RAD51AP2: variants seen among roughly 807,000 people sequenced by gnomAD.
RAD51AP2 encodes the protein RAD51 associated protein 2, also known as RAD51-associated protein 2.
RAD51AP2 carries 67 observed loss-of-function variants against 85.5 expected under a neutral mutation model. The ratio of observed to expected loss-of-function variants is 0.78; its 90% CI spans 0.64 to 0.96. The LOEUF (loss-of-function observed/expected upper bound fraction) is 0.96. RAD51AP2 is among the 40% of genes least tolerant of loss of function. RAD51AP2 has a pLI of 0.00. For synonymous variants in RAD51AP2, 474 were observed against 446.5 expected (o/e 1.06, Z -0.78); for missense variants, 1,307 against 1,332.4 (o/e 0.98, Z 0.30).
Position 17,517,460 on chromosome 2 carries a change from G to T in RAD51AP2, c.956C>A (p.Ala319Glu). 3 of 1,613,730 alleles carry T rather than the reference G, an allele frequency of 1.9e-6. No individual in the cohort carries two copies. The highest frequency in any genetic ancestry group is 2.5e-6 in the Non-Finnish European group (3 of 1,179,934). ...ATAACATTTGGAAAAAATGTTTTCC[G>T]CTTCTACAGTTTTTTTATCATTCTG... Reference protein sequence around the residue: ...KLQNDKKTVEAENIFSKCYEN... With the variant: ...KLQNDKKTVEEENIFSKCYEN... Residue 319 changes from alanine (A) to glutamate (E), a missense_variant, in exon 1 of 3, where the codon GCG becomes GAG. Ala to Glu is a moderately radical substitution (Grantham distance 107). This residue lies in a region of RAD51AP2 where 635 missense variants were observed against 643.6 expected (regional missense o/e 0.99). Coordinates refer to ENST00000399080, the MANE Select transcript of RAD51AP2 (RefSeq NM_001099218.3).
chr2:17,522,749 G>C (rs1662883693), upstream of RAD51AP2, among the ~76,000 whole-genome samples: 1 of 151,774 alleles, frequency 6.6e-6, no homozygotes, highest in Non-Finnish European at 1.5e-5. Flanking sequence ...GGTTTTGAGA[G>C]GACAAAATGT....
At position 17,513,237 on chromosome 2, in the gene RAD51AP2, CTTTTTTT is replaced by C. The variant is rs11394351; in HGVS notation, c.3328+768_3328+774del. Reference sequence around the variant, plus strand: ...TTGTTTAATTTTTCTTTAGTGTGTGCTTTTTTTTTTTTTTTTTTTTGACAGAATCTCA... The same window carrying C: ...TTGTTTAATTTTTCTTTAGTGTGTGCTTTTTTTTTTTTTGACAGAATCTCA... On this transcript the variant is annotated intron_variant, in intron 2 of 2. Transcript: ENST00000399080. Among the ~76,000 whole-genome samples, 3 of 111,214 alleles carry C rather than the reference CTTTTTTT, an allele frequency of 2.7e-5. 1 individual carries two copies. The highest frequency in any genetic ancestry group is 5.3e-5 in the Non-Finnish European group (3 of 56,240). 73.0% of individuals were successfully genotyped at this position (111,214 alleles called of 152,430 possible).
chr2:17,515,528 T>C lies in RAD51AP2; in HGVS notation c.2888A>G (p.Glu963Gly). ...TACTAAGTCAAATTTTCTCTTCATC[T>C]CAAAATCTTTTACTATTGTCAGAGC... ...TEALTIVKDF[E>G]MKRKFDLVLE... Residue 963 changes from glutamate (E) to glycine (G), a missense_variant, in exon 1 of 3, where the codon GAG becomes GGG. This residue lies in a region of RAD51AP2 where 668 missense variants were observed against 671.0 expected (regional missense o/e 1.00). Transcript: ENST00000399080. 7 of 1,609,260 alleles carry C rather than the reference T, an allele frequency of 4.3e-6. No individual in the cohort carries two copies. Among genetic ancestry groups the C allele is most frequent in the Non-Finnish European group, 5.9e-6 (7 of 1,178,700 alleles).
chr2:17,533,782 G>T, the RAD51AP2 span, among the ~76,000 whole-genome samples: 1 of 152,100 alleles, frequency 6.6e-6, no homozygotes, highest in Non-Finnish European at 1.5e-5. Context: ...AGGCATAGGG[G>T]TGCATGCCTG....
the RAD51AP2 span, among the ~76,000 whole-genome samples, chr2:17,526,207 T>C: frequency 1.3e-5 from 2 of 151,992 alleles, no homozygotes; most frequent in Admixed American, 6.6e-5. Context: ...AGGATTTTCT[T>C]TTTTTTATTT....
the RAD51AP2 span, among the ~76,000 whole-genome samples, chr2:17,535,964 G>T: frequency 2.1e-5 from 3 of 145,904 alleles, no homozygotes; most frequent in Admixed American, 1.4e-4. Flanking sequence ...AAAAAAGAGG[G>T]ATCCCACTGT....
intron 2 of RAD51AP2, among the ~76,000 whole-genome samples, chr2:17,513,025 T>C (rs1662537203): frequency 1.3e-5 from 2 of 152,200 alleles, no homozygotes; most frequent in Admixed American, 1.3e-4. Context: ...CCTACAATGT[T>C]ACTCTTTTTA....
chr2:17,515,879 T>TAG lies in RAD51AP2; in HGVS notation c.2536_2537insCT (p.Asn846ThrfsTer12). Reference sequence around the variant, plus strand: ...AGTATCTTTGTGAACTTGGCAACTATTTGTTAAACTTTCAGCTGTGACTTT... The same window carrying TAG: ...AGTATCTTTGTGAACTTGGCAACTATAGTTGTTAAACTTTCAGCTGTGACTTT... On this transcript the variant is annotated frameshift_variant, in exon 1 of 3. Coordinates refer to ENST00000399080, the MANE Select transcript of RAD51AP2 (RefSeq NM_001099218.3). LOFTEE classifies it high-confidence loss of function. The TAG allele has an allele frequency of 6.2e-7, 1 of 1,605,752 alleles. No homozygotes were observed. Among genetic ancestry groups the TAG allele is most frequent in the Non-Finnish European group, 8.5e-7 (1 of 1,177,730 alleles).
In RAD51AP2 at chr2:17,517,243, T is replaced by G; in HGVS notation, c.1173A>C (p.Lys391Asn). Residue 391 changes from lysine (K) to asparagine (N), a missense_variant, in exon 1 of 3, where the codon AAA becomes AAC. This residue lies in a region of RAD51AP2 where 635 missense variants were observed against 643.6 expected (regional missense o/e 0.99). Coordinates refer to ENST00000399080, the MANE Select transcript of RAD51AP2 (RefSeq NM_001099218.3). ...TAACGTTACAGTCCCAGTTTTGAGA[T>G]TTTTCCAGCCTGGTAAGTACGTAAC... ...LDSYVLTRLEKSQNWDCNVRH... is the reference protein window; with the variant it reads ...LDSYVLTRLENSQNWDCNVRH... 3.7e-6 allele frequency: 6 copies of G among 1,614,018 alleles called. No homozygotes were observed. Among genetic ancestry groups the G allele is most frequent in the Non-Finnish European group, 5.1e-6 (6 of 1,179,944 alleles).
At chr2:17,518,893 G>C (rs1231814484), upstream of RAD51AP2, among the ~76,000 whole-genome samples, 2 of 151,942 alleles carry the variant, frequency 1.3e-5, no homozygotes, top group Non-Finnish European at 2.9e-5. Flanking sequence ...CAGTAAAATC[G>C]TGTAGTTCTG....
At chr2:17,536,333 G>C in the RAD51AP2 span, among the ~76,000 whole-genome samples, 1 of 152,142 alleles carries the variant, frequency 6.6e-6, no homozygotes, top group Non-Finnish European at 1.5e-5. Flanking sequence ...TAGCAATAAA[G>C]ACACCTACAA....
At chr2:17,527,112 G>A in the RAD51AP2 span, among the ~76,000 whole-genome samples, 10 of 152,018 alleles carry the variant, frequency 6.6e-5, no homozygotes, top group Non-Finnish European at 1.2e-4. Flanking sequence ...TATGGGCTCC[G>A]CACCCCGAAA....
chr2:17,515,046 A>C, intron 1 of RAD51AP2, 123 bp downstream of exon 1: 1 of 759,496 alleles, frequency 1.3e-6, no homozygotes, highest in East Asian at 2.8e-5. Flanking sequence ...GCATCAATAA[A>C]CATTGTCTTG....
the RAD51AP2 span, among the ~76,000 whole-genome samples, chr2:17,531,966 C>A: frequency 1.3e-5 from 2 of 151,996 alleles, no homozygotes; most frequent in South Asian, 2.1e-4. Flanking sequence ...AAGACCACAT[C>A]TAATAAGAAG....
the RAD51AP2 span, among the ~76,000 whole-genome samples, chr2:17,524,777 G>A: frequency 2.6e-5 from 4 of 151,806 alleles, no homozygotes; most frequent in Non-Finnish European, 5.9e-5. Flanking sequence ...CTGTCAGCTT[G>A]AAAATATACC....
In RAD51AP2 at chr2:17,516,011, T is replaced by C. The variant is rs1228030848; in HGVS notation, c.2405A>G (p.His802Arg). The C allele has an allele frequency of 4.3e-6, 7 of 1,613,726 alleles. No homozygotes were observed. Among genetic ancestry groups the C allele is most frequent in the Non-Finnish European group, 8.5e-7 (1 of 1,179,838 alleles). Residue 802 changes from histidine to arginine, a missense_variant, in exon 1 of 3, where the codon CAT becomes CGT. By Grantham distance (29) the His-to-Arg change is conservative (BLOSUM62 0). Coordinates refer to ENST00000399080, the MANE Select transcript of RAD51AP2 (RefSeq NM_001099218.3). ...QAIPASHNIIHNEETHTTSIT... is the reference protein window; with the variant it reads ...QAIPASHNIIRNEETHTTSIT... Reference sequence around the variant, plus strand: ...AGAAGTGGTATGGGTCTCTTCATTATGTATTATGTTGTGGCTTGCTGGTAT... The same window carrying C: ...AGAAGTGGTATGGGTCTCTTCATTACGTATTATGTTGTGGCTTGCTGGTAT...
In RAD51AP2 at chr2:17,517,921, G is replaced by A; in HGVS notation, c.495C>T (p.His165=). 6.2e-7 allele frequency: 1 copy of A among 1,613,996 alleles called. No individual in the cohort carries two copies. Among genetic ancestry groups the A allele is most frequent in the Non-Finnish European group, 8.5e-7 (1 of 1,179,988 alleles). ...VSQLLPSTSI[H]DIHGIRNENR... ...TCTCATTTCTAATTCCATGTATATC[G>A]TGTATAGAGGTGCTGGGCAGAAGTT... Residue 165 remains histidine, a synonymous_variant, in exon 1 of 3, where the codon CAC becomes CAT. Transcript: ENST00000399080.
upstream of RAD51AP2, among the ~76,000 whole-genome samples, chr2:17,519,170 T>G (rs901722039): frequency 6.6e-6 from 1 of 152,064 alleles, no homozygotes; most frequent in African/African-American, 2.4e-5. Flanking sequence ...TATTTAGAGA[T>G]AAAATATTAT....
Position 17,518,275 on chromosome 2 carries a change from C to A in RAD51AP2, c.141G>T (p.Ala47=). Residue 47 remains alanine (A), a synonymous_variant, in exon 1 of 3, where the codon GCG becomes GCT. Coordinates refer to ENST00000399080, the MANE Select transcript of RAD51AP2 (RefSeq NM_001099218.3). ...CLEEPGGVFK[A]GWRLPLVPRL... is the part of the protein sequence containing the mutation. ...GAGGCACCAGAGGCAGTCGCCAGCC[C>A]GCCTTAAAGACACCTCCAGGCTCCT... 6.2e-7 allele frequency: 1 copy of A among 1,614,154 alleles called. No homozygotes were observed. The highest frequency in any genetic ancestry group is 1.3e-5 in the African/African-American group (1 of 75,028).
Sources: gnomAD v4.1 joint callset for allele counts (sites outside exome capture counted in the v4.1 genomes callset) on GRCh38, gnomAD v4.1.1 for gene constraint, gnomAD v4.1.1 regional missense constraint, MANE v1.5 for transcripts, NCBI Gene and HGNC (gene_info 2026-07-23, HGNC 2026-07-21) for gene names.